The following PLXDC2 variants were observed in gnomAD, a reference collection of about 807,000 sequenced individuals.
PLXDC2 encodes plexin domain-containing protein 2.
A neutral mutation model predicts 68.9 loss-of-function variants in PLXDC2; 40 were observed. That is an observed-to-expected ratio of 0.58 (90% CI 0.45 to 0.76). The LOEUF (loss-of-function observed/expected upper bound fraction) is 0.76. PLXDC2 is among the 30% of genes least tolerant of loss of function. The pLI, the probability that PLXDC2 is intolerant of heterozygous loss-of-function variation, is 0.00. For synonymous variants in PLXDC2, 243 were observed against 234.2 expected, an observed-to-expected ratio of 1.04 and a Z score of -0.34; for missense variants, 644 against 661.9, an observed-to-expected ratio of 0.97 and a Z score of 0.30.
At chr10:20,075,051 C>A (rs1836415739) in intron 4 of PLXDC2, among the ~76,000 whole-genome samples, 1 of 152,176 alleles carries the variant, frequency 6.6e-6, no homozygotes, top group African/African-American at 2.4e-5. Flanking sequence ...GATGTCTGAT[C>A]TGCTGAATCT....
intron 1 of PLXDC2, among the ~76,000 whole-genome samples, chr10:19,831,227 T>A (rs1589489268): frequency 6.6e-6 from 1 of 152,318 alleles, no homozygotes; most frequent in East Asian, 1.9e-4. Context: ...GTTGGTTTTC[T>A]TGGGTGATTT....
chr10:20,151,694 C>T lies in PLXDC2; in HGVS notation c.783+3792C>T, dbSNP rs184021720. ...TTAGACTTGTCATATCACACAATTA[C>T]AAGTATAGATAAGAGAGGTATTCCT... On this transcript the variant is annotated intron_variant, in intron 6 of 13. Transcript: ENST00000377252. Among the ~76,000 whole-genome samples, 21 of 152,190 alleles carry T rather than the reference C, an allele frequency of 1.4e-4. No homozygotes were observed. In the East Asian group the frequency reaches 3.9e-3, roughly 28 times the overall value.
chr10:19,908,983 A>T (rs748515154), intron 1 of PLXDC2, among the ~76,000 whole-genome samples: 60 of 152,320 alleles, frequency 3.9e-4, no homozygotes, highest in Admixed American at 1.4e-3. Context: ...ACCAAAATAA[A>T]GTTCCGTCCA....
intron 3 of PLXDC2, among the ~76,000 whole-genome samples, chr10:20,050,935 G>T (rs1405739811): frequency 6.6e-6 from 1 of 151,974 alleles, no homozygotes; most frequent in Non-Finnish European, 1.5e-5. Context: ...ACACACATGT[G>T]AATGTTTATT....
intron 4 of PLXDC2, among the ~76,000 whole-genome samples, chr10:20,089,262 A>T (rs1833245135): frequency 6.6e-6 from 1 of 152,068 alleles, no homozygotes; most frequent in Non-Finnish European, 1.5e-5. Flanking sequence ...AAGCTCAAAC[A>T]TAAAATCAAT....
Position 20,102,535 on chromosome 10 carries a change from T to C in PLXDC2, c.541+34296T>C, listed in dbSNP as rs530658329. Among the ~76,000 whole-genome samples the C allele has an allele frequency of 1.1e-4, 16 of 152,298 alleles. No homozygotes were observed. In the East Asian group the frequency reaches 2.7e-3, roughly 26 times the overall value. ...TCACCAGCAGCAGAAGGATTCTGGA[T>C]ATGTTTTGAAGGGATTGGTAATAAT... On this transcript the variant is annotated intron_variant, in intron 4 of 13. Coordinates refer to ENST00000377252, the MANE Select transcript of PLXDC2 (RefSeq NM_032812.9).
intron 4 of PLXDC2, among the ~76,000 whole-genome samples, chr10:20,098,548 C>G (rs527330421): frequency 1.3e-5 from 2 of 152,206 alleles, no homozygotes; most frequent in South Asian, 2.1e-4. Flanking sequence ...GTTTGTGATT[C>G]CAGAGATTAA....
chr10:19,895,711 C>T (rs1399092071), intron 1 of PLXDC2, among the ~76,000 whole-genome samples: 2 of 152,090 alleles, frequency 1.3e-5, no homozygotes, highest in Non-Finnish European at 2.9e-5. Context: ...TGTCAGGCCC[C>T]TGAAGGAAGC....
chr10:19,918,188 G>T (rs76275397), intron 1 of PLXDC2, among the ~76,000 whole-genome samples: 6,830 of 152,236 alleles, frequency 0.045, 230 homozygotes, highest in Non-Finnish European at 0.061. Context: ...CCCCAGGCAT[G>T]CCAATTTCAT....
intron 1 of PLXDC2, among the ~76,000 whole-genome samples, chr10:19,905,116 G>A (rs1336533174): frequency 6.6e-6 from 1 of 152,174 alleles, no homozygotes; most frequent in Non-Finnish European, 1.5e-5. Flanking sequence ...AATCTTAATG[G>A]GAAACAGAAC....
chr10:19,832,617 A>T (rs1836716192), intron 1 of PLXDC2, among the ~76,000 whole-genome samples: 1 of 152,214 alleles, frequency 6.6e-6, no homozygotes, highest in South Asian at 2.1e-4. Context: ...CAGTTGGAAG[A>T]TGTTTCTACT....
intron 2 of PLXDC2, among the ~76,000 whole-genome samples, chr10:20,030,009 T>C (rs1332479798): frequency 6.6e-6 from 1 of 152,082 alleles, no homozygotes; most frequent in African/African-American, 2.4e-5. Context: ...AGTAGGAAGA[T>C]TTACACTGCT....
chr10:20,047,003 T>C lies in PLXDC2; in HGVS notation c.459T>C (p.His153=), dbSNP rs1283354040. Residue 153 remains histidine (H), a synonymous_variant, in exon 3 of 14, where the codon CAT becomes CAC. Transcript: ENST00000377252. The part of the protein sequence containing the change: ...VKIHGILSNT[H]RQAARVNLSF... ...TTCATGGAATATTGTCCAATACTCATCGGCAAGCTGCAGTAAGTGTTTGGA... is the reference window on the plus strand; with the variant it reads ...TTCATGGAATATTGTCCAATACTCACCGGCAAGCTGCAGTAAGTGTTTGGA... 1 of 1,600,536 alleles carries C rather than the reference T, an allele frequency of 6.2e-7. No homozygotes were observed. Among genetic ancestry groups the C allele is most frequent in the Non-Finnish European group, 8.5e-7 (1 of 1,174,862 alleles).
At chr10:20,192,256 A>G (rs546339112) in intron 9 of PLXDC2, among the ~76,000 whole-genome samples, 90 of 152,112 alleles carry the variant, frequency 5.9e-4, no homozygotes, top group Middle Eastern at 3.4e-3. Context: ...TGGCTAATCA[A>G]TCCTAAGCAG....
At position 20,254,084 on chromosome 10, in the gene PLXDC2, C is replaced by T. The variant is rs151069050; in HGVS notation, c.1473+8579C>T. 2.3e-4 allele frequency among the ~76,000 whole-genome samples: 35 copies of T among 152,234 alleles called. No homozygotes were observed. The East Asian group carries it at 6.6e-3, about 29-fold the overall frequency. Reference sequence around the variant, plus strand: ...AAGACATCAAACTAGAATTCCTCACCCCGGCCCTATAGCCTGAGAAGCTAC... The same window carrying T: ...AAGACATCAAACTAGAATTCCTCACTCCGGCCCTATAGCCTGAGAAGCTAC... On this transcript the variant is annotated intron_variant, in intron 13 of 13. Transcript: ENST00000377252.
chr10:19,945,851 T>G (rs1833892558), intron 1 of PLXDC2, among the ~76,000 whole-genome samples: 1 of 152,308 alleles, frequency 6.6e-6, no homozygotes, highest in East Asian at 1.9e-4. Context: ...CAATCAGATA[T>G]GAAGGATTTA....
At chr10:20,106,380 G>A (rs1054445032) in intron 4 of PLXDC2, among the ~76,000 whole-genome samples, 8 of 152,318 alleles carry the variant, frequency 5.3e-5, no homozygotes, top group African/African-American at 1.9e-4. Flanking sequence ...GCCACAGGAG[G>A]CTGGACGGTT....
In PLXDC2 at chr10:20,118,152, C is replaced by T. The variant is rs550839062; in HGVS notation, c.542-25143C>T. On this transcript the variant is annotated intron_variant, in intron 4 of 13. Transcript: ENST00000377252. ...CACACACACACAGACACACACACAC[C>T]CTTTTATAAAAACTAAGCCAAATGT... Among the ~76,000 whole-genome samples, 71 of 150,868 alleles carry T rather than the reference C, an allele frequency of 4.7e-4. No individual in the cohort carries two copies. The Middle Eastern group carries it at 0.01, about 22-fold the overall frequency.
chr10:20,014,382 GCTTCCTTC>G (rs539488828), intron 2 of PLXDC2, among the ~76,000 whole-genome samples: 4,588 of 79,050 alleles, frequency 0.058, 151 homozygotes, highest in Middle Eastern at 0.12. Context: ...TTCCTTCCTT[GCTTCCTTC>G]CTTCCTTCCT....
Sources: gnomAD v4.1 joint callset for allele counts (sites outside exome capture counted in the v4.1 genomes callset) on GRCh38, gnomAD v4.1.1 for gene constraint, MANE v1.5 for transcripts, NCBI Gene and HGNC (gene_info 2026-07-23, HGNC 2026-07-21) for gene names.